Variants in ARSB observed in about 807,000 individuals in gnomAD.
ARSB encodes arylsulfatase B.
In ARSB, 41 loss-of-function variants were observed where a neutral mutation model predicts 50.9. The ratio of observed to expected loss-of-function variants is 0.81; its 90% CI spans 0.63 to 1.04. ARSB has a LOEUF of 1.04. Among genes scored for constraint, ARSB ranks in the 50% least tolerant of loss-of-function variants. The pLI, the probability that ARSB is intolerant of heterozygous loss-of-function variation, is 0.00. For synonymous variants in ARSB, 269 were observed against 284.8 expected (o/e 0.94, Z 0.56); for missense variants, 672 against 693.3 (o/e 0.97, Z 0.35).
intron 4 of ARSB, among the ~76,000 whole-genome samples, chr5:78,904,841 A>C (rs1748973658): frequency 6.6e-6 from 1 of 151,858 alleles, no homozygotes; most frequent in Non-Finnish European, 1.5e-5. Context: ...GGCGTGTGCC[A>C]CCACACCTGA....
chr5:78,920,056 C>T (rs1225149100), intron 4 of ARSB, among the ~76,000 whole-genome samples: 3 of 152,142 alleles, frequency 2.0e-5, no homozygotes, highest in Non-Finnish European at 4.4e-5. Flanking sequence ...AAAAGGCCAG[C>T]TTCACATCCA....
At chr5:78,879,047 T>A (rs1747620368) in intron 5 of ARSB, among the ~76,000 whole-genome samples, 1 of 152,070 alleles carries the variant, frequency 6.6e-6, no homozygotes, top group Admixed American at 6.5e-5. Flanking sequence ...AGAGACAGGG[T>A]TTCGCTATGT....
intron 5 of ARSB, among the ~76,000 whole-genome samples, chr5:78,878,785 A>C (rs1230334404): frequency 6.6e-6 from 1 of 152,160 alleles, no homozygotes; most frequent in East Asian, 1.9e-4. Context: ...CACCACTGTC[A>C]TGTTATGACA....
chr5:78,865,054 G>A (rs551983438), intron 5 of ARSB, among the ~76,000 whole-genome samples: 32 of 152,296 alleles, frequency 2.1e-4, no homozygotes, highest in South Asian at 1.2e-3. Context: ...GCAAGCTGTC[G>A]TGGGTCTATC....
At chr5:78,964,050 T>G (rs1488055971) in intron 3 of ARSB, among the ~76,000 whole-genome samples, 1 of 152,204 alleles carries the variant, frequency 6.6e-6, no homozygotes, top group African/African-American at 2.4e-5. Flanking sequence ...TATTAATTAC[T>G]CACAGCACAT....
intron 4 of ARSB, among the ~76,000 whole-genome samples, chr5:78,942,067 C>T (rs1453786056): frequency 1.4e-4 from 22 of 152,232 alleles, no homozygotes; most frequent in Non-Finnish European, 2.4e-4. Context: ...AGTTTGTTTG[C>T]GTAGAGGTGT....
At chr5:78,878,089 A>T (rs1042834235) in intron 5 of ARSB, among the ~76,000 whole-genome samples, 3 of 152,134 alleles carry the variant, frequency 2.0e-5, no homozygotes, top group African/African-American at 7.2e-5. Flanking sequence ...AGAAAACAGA[A>T]TTTTTTTTAA....
chr5:78,793,594 G>T (rs927857920), intron 6 of ARSB, among the ~76,000 whole-genome samples: 1 of 152,206 alleles, frequency 6.6e-6, no homozygotes, highest in Non-Finnish European at 1.5e-5. Flanking sequence ...AGACAGCAGA[G>T]AGCTGAGAAG....
Position 78,962,524 on chromosome 5 carries a change from A to ATTTTTTTTTT in ARSB, c.690+1882_690+1891dup, listed in dbSNP as rs10683109. Among the ~76,000 whole-genome samples, 33 of 106,200 alleles carry ATTTTTTTTTT rather than the reference A, an allele frequency of 3.1e-4. 1 individual carries two copies. Among genetic ancestry groups the ATTTTTTTTTT allele is most frequent in the East Asian group, 7.7e-4 (3 of 3,880 alleles). 69.7% of individuals were successfully genotyped at this position (106,200 alleles called of 152,430 possible). On this transcript the variant is annotated intron_variant, in intron 3 of 7. Transcript: ENST00000264914. ...GTGTTTTCACTTCTACATGTGCTCG[A>ATTTTTTTTTT]TTTTTTTTTTTTTTTTTTTTTGAGA...
chr5:78,978,861 A>G (rs1752780111), intron 1 of ARSB, among the ~76,000 whole-genome samples: 1 of 152,234 alleles, frequency 6.6e-6, no homozygotes, highest in Non-Finnish European at 1.5e-5. Flanking sequence ...AAATGTAAAA[A>G]CTGAAAACTA....
At chr5:78,804,861 C>A (rs1743509750) in intron 6 of ARSB, among the ~76,000 whole-genome samples, 1 of 152,232 alleles carries the variant, frequency 6.6e-6, no homozygotes, top group African/African-American at 2.4e-5. Flanking sequence ...AGGTCCATGG[C>A]AAGTCTCCTG....
At chr5:78,935,769 C>T (rs995516315) in intron 4 of ARSB, among the ~76,000 whole-genome samples, 2 of 152,140 alleles carry the variant, frequency 1.3e-5, no homozygotes, top group Admixed American at 6.5e-5. Flanking sequence ...TTTATCCACA[C>T]TTTGCTGATG....
chr5:78,966,866 C>G (rs182287825), intron 2 of ARSB, among the ~76,000 whole-genome samples: 1 of 150,160 alleles, frequency 6.7e-6, no homozygotes, highest in Admixed American at 6.7e-5. Flanking sequence ...ACAAAGTGAT[C>G]TTACATCAAG....
chr5:78,797,053 A>AT (rs1198349007), intron 6 of ARSB, among the ~76,000 whole-genome samples: 1 of 150,494 alleles, frequency 6.6e-6, no homozygotes, highest in African/African-American at 2.4e-5. Context: ...AATTTTTTGT[A>AT]TTTTTTAGTA....
intron 4 of ARSB, among the ~76,000 whole-genome samples, chr5:78,897,964 A>T (rs1050109413): frequency 6.6e-6 from 1 of 152,292 alleles, no homozygotes; most frequent in Admixed American, 6.5e-5. Flanking sequence ...CATTGAAATT[A>T]GTAATTAAAA....
At chr5:78,851,000 C>A (rs2112044075) in intron 5 of ARSB, among the ~76,000 whole-genome samples, 1 of 152,232 alleles carries the variant, frequency 6.6e-6, no homozygotes, top group Admixed American at 6.5e-5. Context: ...TTGATCTTTT[C>A]AAAAAACCAG....
chr5:78,869,612 C>T (rs1321192410), intron 5 of ARSB, among the ~76,000 whole-genome samples: 2 of 151,830 alleles, frequency 1.3e-5, no homozygotes, highest in African/African-American at 2.4e-5. Flanking sequence ...TCTTTGAAAC[C>T]AGCGAGAACA....
rs1009043206 is a variant in ARSB, at chr5:78,779,930, A to G, written c.*467T>C. 9.4e-6 allele frequency: 2 copies of G among 213,388 alleles called. No homozygotes were observed. Among genetic ancestry groups the G allele is most frequent in the East Asian group, 1.2e-4 (1 of 8,456 alleles). The allele number at this position is 213,388 out of a possible 1,614,324, so 13.2% of individuals were successfully genotyped here. A position where few individuals can be genotyped will look rare whatever the true frequency, so the allele number is the denominator to read the frequency against. ...GGTGGTTCACTTGGAGTGCCTGAACATGATCCTTCACCGACAGGGAGAAGC... is the reference window on the plus strand; with the variant it reads ...GGTGGTTCACTTGGAGTGCCTGAACGTGATCCTTCACCGACAGGGAGAAGC... On this transcript the variant is annotated 3_prime_UTR_variant, in exon 8 of 8. Transcript: ENST00000264914.
At chr5:78,784,789 TTTA>T (rs1749032774) in intron 6 of ARSB, among the ~76,000 whole-genome samples, 1 of 151,694 alleles carries the variant, frequency 6.6e-6, no homozygotes, top group African/African-American at 2.4e-5. Flanking sequence ...TTTAATTGAT[TTTA>T]TTAGTCTTTT....
Sources: gnomAD v4.1 joint callset for allele counts (sites outside exome capture counted in the v4.1 genomes callset) on GRCh38, gnomAD v4.1.1 for gene constraint, MANE v1.5 for transcripts, NCBI Gene and HGNC (gene_info 2026-07-23, HGNC 2026-07-21) for gene names.